Variants in SPTBN5 observed in about 807,000 individuals in gnomAD.
SPTBN5 encodes the protein spectrin beta, non-erythrocytic 5.
In SPTBN5, 513 loss-of-function variants were observed where a neutral mutation model predicts 477.6. That is an observed-to-expected ratio of 1.07 (90% confidence interval 1.00 to 1.16). The LOEUF is 1.16. Ranked by LOEUF, SPTBN5 falls within the 50% of genes most tolerant of loss-of-function variation. The pLI is 0.00. For missense variants in SPTBN5, 5,062 were observed against 4,731.8 expected, an observed-to-expected ratio of 1.07 and a Z score of -2.05; for synonymous variants, 2,169 against 2,011.7, an observed-to-expected ratio of 1.08 and a Z score of -2.09.
At chr15:41,871,759 C>T in intron 28 of SPTBN5, 23 bp downstream of exon 28, 2 of 1,543,098 alleles carry the variant, frequency 1.3e-6, no homozygotes, top group Non-Finnish European at 8.8e-7. Context: ...GGGCACCCTC[C>T]TTGACCCTGG....
In SPTBN5 at chr15:41,854,163, C is replaced by G; in HGVS notation, c.9661G>C (p.Ala3221Pro). Reference sequence around the variant, plus strand: ...TGCATCCTTCCCTGGAGCTCAGCTGCTGCCTGCTGAAAGCTGTGGACCTCA... The same window carrying G: ...TGCATCCTTCCCTGGAGCTCAGCTGGTGCCTGCTGAAAGCTGTGGACCTCA... ...AHEVHSFQQAAAELQGRMQEK... is the reference protein window; with the variant it reads ...AHEVHSFQQAPAELQGRMQEK... Residue 3221 changes from alanine to proline, a missense_variant, in exon 57 of 68, where the codon GCA becomes CCA. Coordinates refer to ENST00000320955, the MANE Select transcript of SPTBN5 (RefSeq NM_016642.4). The G allele has an allele frequency of 1.3e-6, 2 of 1,599,134 alleles. No homozygotes were observed. Among genetic ancestry groups the G allele is most frequent in the Non-Finnish European group, 1.7e-6 (2 of 1,173,278 alleles).
Position 41,866,505 on chromosome 15 carries a change from G to A in SPTBN5, c.6481-12C>T, listed in dbSNP as rs1349412394. On this transcript the variant is annotated splice_polypyrimidine_tract_variant and intron_variant, in intron 36 of 67. Transcript: ENST00000320955. Reference sequence around the variant, plus strand: ...ATCCAGTCCTCAGCCTGGTGGGGGTGGGACATGAATGCTGCAATGTTCTGC... The same window carrying A: ...ATCCAGTCCTCAGCCTGGTGGGGGTAGGACATGAATGCTGCAATGTTCTGC... The A allele has an allele frequency of 3.2e-6, 5 of 1,546,014 alleles. No individual in the cohort carries two copies. The highest frequency in any genetic ancestry group is 4.3e-6 in the Non-Finnish European group (5 of 1,149,682).
At position 41,874,844 on chromosome 15, in the gene SPTBN5, C is replaced by T; in HGVS notation, c.4500G>A (p.Arg1500=). The T allele has an allele frequency of 6.2e-7, 1 of 1,603,772 alleles. No individual in the cohort carries two copies. The highest frequency in any genetic ancestry group is 8.5e-7 in the Non-Finnish European group (1 of 1,173,434). The change falls in exon 23 of 68, where the codon CGG becomes CGA. Residue 1500 remains arginine, a splice_region_variant and synonymous_variant. Transcript: ENST00000320955. ...AILEETQKHL[R]RLELLQGHLA... ...GTGGGTGGGAGGACAGACCCCACCT[C>T]CGGAGGTGCTTCTGGGTCTCTTCCA... is the stretch of plus-strand genomic sequence containing the variant.
intron 7 of SPTBN5, among the ~76,000 whole-genome samples, chr15:41,885,045 A>T (rs2067102750): frequency 6.6e-6 from 1 of 152,048 alleles, no homozygotes; most frequent in African/African-American, 2.4e-5. Context: ...ATTTTTGGAG[A>T]TGGAGTCTCA....
Position 41,868,105 on chromosome 15 carries a change from C to T in SPTBN5, c.6171G>A (p.Glu2057=). The part of the protein sequence containing the change: ...AEQQEQLFLR[E]CGRLEEILAA... ...CGAGGATCTCCTCCAGGCGGCCGCACTCTCTGAGGAAGAGCTGCTCCTGCT... is the reference window on the plus strand; with the variant it reads ...CGAGGATCTCCTCCAGGCGGCCGCATTCTCTGAGGAAGAGCTGCTCCTGCT... Residue 2057 remains glutamate (E), a synonymous_variant, in exon 34 of 68, where the codon GAG becomes GAA. Coordinates refer to ENST00000320955, the MANE Select transcript of SPTBN5 (RefSeq NM_016642.4). 4 of 1,603,636 alleles carry T rather than the reference C, an allele frequency of 2.5e-6. No homozygotes were observed. The highest frequency in any genetic ancestry group is 3.4e-6 in the Non-Finnish European group (4 of 1,176,736).
At chr15:41,854,459 G>C (rs893122807) in intron 56 of SPTBN5, among the ~76,000 whole-genome samples, 11 of 152,090 alleles carry the variant, frequency 7.2e-5, no homozygotes, top group African/African-American at 2.7e-4. Context: ...AGGCAGACGC[G>C]AGGTGTTGGG....
In SPTBN5 at chr15:41,873,883, G is replaced by C. The variant is rs760302115; in HGVS notation, c.4852C>G (p.Arg1618Gly). ...ACAGCCTGCTGCAGACACTGGGCCC[G>C]CGCTTCACATGCCCTCTCCAGCTCT... Reference protein sequence around the residue: ...WAELERACEARAQCLQQAVTF... With the variant: ...WAELERACEAGAQCLQQAVTF... Residue 1618 changes from arginine to glycine, a missense_variant, in exon 25 of 68, where the codon CGG becomes GGG. Transcript: ENST00000320955. 4 of 1,611,288 alleles carry C rather than the reference G, an allele frequency of 2.5e-6. No individual in the cohort carries two copies. The highest frequency in any genetic ancestry group is 4.5e-5 in the East Asian group (2 of 44,886).
At chr15:41,873,675 T>C (rs1314422467) in intron 25 of SPTBN5, 67 bp from the exon 26 acceptor site, 1 of 1,465,352 alleles carries the variant, frequency 6.8e-7, no homozygotes, top group Admixed American at 2.0e-5. Flanking sequence ...CCTGGAGACA[T>C]CTGCCCCTGC....
At chr15:41,875,687 G>A (rs942839116) in intron 21 of SPTBN5, 65 bp from the exon 22 acceptor site, 7 of 1,487,270 alleles carry the variant, frequency 4.7e-6, no homozygotes, top group Non-Finnish European at 6.3e-6. Context: ...GGCCGCAGCA[G>A]GCTGGACCTG....
Position 41,863,836 on chromosome 15 carries a change from G to T in SPTBN5, c.7035-18C>A. ...TCGCCCACCTGGCCAAGGGGTGGTG[G>T]TGTCATGTGGAGCCTGAGGTGGCCT... On this transcript the variant is annotated intron_variant, in intron 40 of 67. Transcript: ENST00000320955. The T allele has an allele frequency of 2.5e-6, 4 of 1,613,490 alleles. No homozygotes were observed. Among genetic ancestry groups the T allele is most frequent in the South Asian group, 1.1e-5 (1 of 91,064 alleles).
chr15:41,883,055 C>T lies in SPTBN5; in HGVS notation c.1833G>A (p.Gln611=), dbSNP rs2140962192. Residue 611 remains glutamine (Q), a synonymous_variant, in exon 9 of 68, where the codon CAG becomes CAA. Coordinates refer to ENST00000320955, the MANE Select transcript of SPTBN5 (RefSeq NM_016642.4). ...SSLGTSVEVL[Q]AKARTLAQLQ... The stretch of plus-strand genomic sequence containing the variant: ...GCTGGGCCAGTGTCCTGGCCTTGGC[C>T]TGCAGCACCTCCACACTGGTGCCCA... The T allele has an allele frequency of 1.3e-6, 2 of 1,577,444 alleles. No homozygotes were observed. The highest frequency in any genetic ancestry group is 1.3e-5 in the African/African-American group (1 of 74,220).
Position 41,874,333 on chromosome 15 carries a change from C to T in SPTBN5, c.4648G>A (p.Glu1550Lys), listed in dbSNP as rs769127624. The change falls in exon 24 of 68, where the codon GAG becomes AAG. Residue 1550 changes from glutamate (E) to lysine (K), a missense_variant. Glu to Lys is a moderately conservative substitution (Grantham distance 56). Coordinates refer to ENST00000320955, the MANE Select transcript of SPTBN5 (RefSeq NM_016642.4). ...AGGCTCTGGGCACCATTCAAGCACT[C>T]GGTATAGCTGGTGGGGCTGCCATGG... ...MPHGSPTSYT[E>K]CLNGAQSLHR... 2.1e-5 allele frequency: 34 copies of T among 1,613,620 alleles called. No individual in the cohort carries two copies. Among genetic ancestry groups the T allele is most frequent in the African/African-American group, 4.0e-5 (3 of 74,932 alleles).
intron 17 of SPTBN5, among the ~76,000 whole-genome samples, chr15:41,877,822 C>T (rs1032217805): frequency 6.6e-6 from 1 of 152,272 alleles, no homozygotes; most frequent in Non-Finnish European, 1.5e-5. Context: ...TCAGTGCCCA[C>T]TTGGCCACCT....
Position 41,848,455 on chromosome 15 carries a change from T to C in SPTBN5, c.*161A>G. The C allele has an allele frequency of 2.5e-6, 2 of 811,842 alleles. No homozygotes were observed. Among genetic ancestry groups the C allele is most frequent in the South Asian group, 1.5e-5 (1 of 68,322 alleles). 50.3% of individuals were successfully genotyped at this position (811,842 alleles called of 1,614,324 possible). A position where few individuals can be genotyped will look rare whatever the true frequency, so the allele number is the denominator to read the frequency against. ...GTTTCCTGCCACATGGTAGGACCCA[T>C]CTAACCAGAAGGAACTGTCTATTCC... On this transcript the variant is annotated 3_prime_UTR_variant, in exon 68 of 68. Transcript: ENST00000320955.
chr15:41,848,659 G>A, intron 67 of SPTBN5, 31 bp from the exon 68 acceptor site: 7 of 1,613,504 alleles, frequency 4.3e-6, no homozygotes, highest in Non-Finnish European at 5.1e-6. Context: ...ATTTAGTAGG[G>A]TATGGCCACC....
At position 41,887,404 on chromosome 15, in the gene SPTBN5, G is replaced by C; in HGVS notation, c.697C>G (p.Arg233Gly). 6.4e-7 allele frequency: 1 copy of C among 1,553,850 alleles called. No homozygotes were observed. The highest frequency in any genetic ancestry group is 1.2e-5 in the South Asian group (1 of 84,164). Residue 233 changes from arginine to glycine, a missense_variant, in exon 6 of 68, where the codon CGC (arginine) becomes GGC (glycine). Physicochemically the swap from Arg to Gly is moderately radical, Grantham distance 125. Coordinates refer to ENST00000320955, the MANE Select transcript of SPTBN5 (RefSeq NM_016642.4). ...GCAAAAGCAAGGTTGTGCAGTGGGC[G>C]GTCTGGACGCAGGGAGCCGTAGTCC... ...LLDYGSLRPD[R>G]PLHNLAFAFL...
chr15:41,879,544 C>T (rs780197014), intron 15 of SPTBN5, 45 bp from the exon 16 acceptor site: 1 of 1,521,518 alleles, frequency 6.6e-7, no homozygotes. Flanking sequence ...GGACACCTCC[C>T]CATCCATCCG....
chr15:41,873,658 C>T (rs778068087), intron 25 of SPTBN5, 50 bp from the exon 26 acceptor site: 16 of 1,507,202 alleles, frequency 1.1e-5, no homozygotes, highest in African/African-American at 5.5e-5. Context: ...CAGGACCCTC[C>T]GTCAGCCCTG....
rs563948464 is a variant in SPTBN5, at chr15:41,854,881, C to T, written c.9519G>A (p.Glu3173=). 45 of 1,609,598 alleles carry T rather than the reference C, an allele frequency of 2.8e-5. No homozygotes were observed. In the East Asian group the frequency reaches 9.8e-4, roughly 35 times the overall value. ...GGGGATAGCGCCTGGGTGCACCCCG[C>T]TCCAGGGTGCCTGCCAACTTCCTCA... ...YALRKLAGTL[E]RGAPRRYPHI... The change falls in exon 56 of 68, where the codon GAG becomes GAA. Residue 3173 remains glutamate (E), a synonymous_variant. Coordinates refer to ENST00000320955, the MANE Select transcript of SPTBN5 (RefSeq NM_016642.4).
Sources: gnomAD v4.1 joint callset for allele counts (sites outside exome capture counted in the v4.1 genomes callset) on GRCh38, gnomAD v4.1.1 for gene constraint, MANE v1.5 for transcripts, NCBI Gene and HGNC (gene_info 2026-07-23, HGNC 2026-07-21) for gene names.